The following PLEKHA6 variants were observed in gnomAD, a reference collection of about 807,000 sequenced individuals.
PLEKHA6 encodes pleckstrin homology domain-containing family A member 6.
A neutral mutation model predicts 116.7 loss-of-function variants in PLEKHA6; 60 were observed. The ratio of observed to expected loss-of-function variants is 0.51; its 90% CI spans 0.42 to 0.64. The LOEUF (loss-of-function observed/expected upper bound fraction) is 0.64. Among genes scored for constraint, PLEKHA6 ranks in the 30% least tolerant of loss-of-function variants. PLEKHA6 has a pLI of 0.00. For missense variants in PLEKHA6, 1,338 were observed against 1,422.7 expected (o/e 0.94, Z 0.96); for synonymous variants, 489 against 556.1 (o/e 0.88, Z 1.70).
chr1:204,323,594 T>C (rs1672140508), intron 1 of PLEKHA6, among the ~76,000 whole-genome samples: 1 of 152,268 alleles, frequency 6.6e-6, no homozygotes, highest in Non-Finnish European at 1.5e-5. Flanking sequence ...GAGGGCATTA[T>C]AAACTGCTTG....
chr1:204,301,285 A>T (rs904660949), intron 1 of PLEKHA6: 2 of 975,132 alleles, frequency 2.1e-6, no homozygotes, highest in African/African-American at 3.5e-5. Flanking sequence ...CACTTGCCTC[A>T]TCACCAGTCT....
At chr1:204,330,394 AGACT>A (rs1272379721) in intron 1 of PLEKHA6, among the ~76,000 whole-genome samples, 2 of 152,260 alleles carry the variant, frequency 1.3e-5, no homozygotes, top group South Asian at 2.1e-4. Context: ...ACTTGAAAGA[AGACT>A]GACTAAGAGA....
intron 1 of PLEKHA6, among the ~76,000 whole-genome samples, chr1:204,305,262 T>C (rs919792200): frequency 1.3e-5 from 2 of 152,004 alleles, no homozygotes; most frequent in African/African-American, 4.8e-5. Flanking sequence ...ATGCAGAAAG[T>C]ATGGGGGATG....
chr1:204,311,144 T>A (rs905647273), intron 1 of PLEKHA6, among the ~76,000 whole-genome samples: 1 of 152,224 alleles, frequency 6.6e-6, no homozygotes, highest in Non-Finnish European at 1.5e-5. Context: ...CTTGAACTCC[T>A]GCAGAGACAG....
chr1:204,362,297 A>AGGCGTGAGGT (rs1013559104), upstream of PLEKHA6, among the ~76,000 whole-genome samples: 1 of 152,170 alleles, frequency 6.6e-6, no homozygotes, highest in Admixed American at 6.5e-5. Flanking sequence ...CCAATGGGGA[A>AGGCGTGAGGT]GGCGTGAGGT....
At chr1:204,279,145 G>A (rs1017360782) in intron 1 of PLEKHA6, among the ~76,000 whole-genome samples, 21 of 152,264 alleles carry the variant, frequency 1.4e-4, no homozygotes, top group African/African-American at 4.3e-4. Flanking sequence ...TTGGGAAAAT[G>A]AGCTTTCTTC....
At chr1:204,252,082 C>A (rs1664648171) in intron 9 of PLEKHA6, among the ~76,000 whole-genome samples, 1 of 151,498 alleles carries the variant, frequency 6.6e-6, no homozygotes, top group African/African-American at 2.4e-5. Flanking sequence ...GAGGCCTGCC[C>A]CCTCTCCCTG....
chr1:204,256,556 A>G (rs1665315008), intron 9 of PLEKHA6, among the ~76,000 whole-genome samples: 1 of 152,090 alleles, frequency 6.6e-6, no homozygotes, highest in African/African-American at 2.4e-5. Flanking sequence ...AGGATATTAC[A>G]TGCTCCCAGA....
At chr1:204,267,610 T>A in intron 4 of PLEKHA6, 63 bp from the exon 5 acceptor site, 1 of 1,427,874 alleles carries the variant, frequency 7.0e-7, no homozygotes, top group Non-Finnish European at 9.9e-7. Flanking sequence ...GGAGATGGGA[T>A]GCAGGGAAAA....
chr1:204,340,169 G>A (rs964763909), intron 1 of PLEKHA6, among the ~76,000 whole-genome samples: 5 of 152,196 alleles, frequency 3.3e-5, no homozygotes, highest in Non-Finnish European at 5.9e-5. Flanking sequence ...CAGGGAAAGG[G>A]AAGGGTGGAC....
At chr1:204,323,112 C>A (rs938475797) in intron 1 of PLEKHA6, among the ~76,000 whole-genome samples, 2 of 152,256 alleles carry the variant, frequency 1.3e-5, no homozygotes, top group East Asian at 1.9e-4. Flanking sequence ...CAGGCATTAA[C>A]TGTGTATCTA....
In PLEKHA6 at chr1:204,301,153, C is replaced by A. The variant is rs1214890588; in HGVS notation, c.-94-26344G>T. 5.8e-6 allele frequency: 4 copies of A among 693,390 alleles called. No homozygotes were observed. In the East Asian group the frequency reaches 4.0e-4, roughly 69 times the overall value. The allele number at this position is 693,390 out of a possible 1,614,324, so 43.0% of individuals were successfully genotyped here. A position where few individuals can be genotyped will look rare whatever the true frequency, so the allele number is the denominator to read the frequency against. The stretch of plus-strand genomic sequence containing the variant: ...CTTTACCATTCTAAAATCCATAGGC[C>A]CCAAAGATTTCAGATAATGAAGTAT... On this transcript the variant is annotated intron_variant, in intron 1 of 22. Coordinates refer to ENST00000272203, the MANE Select transcript of PLEKHA6 (RefSeq NM_014935.5).
chr1:204,230,401 G>A lies in PLEKHA6; in HGVS notation c.2583+12C>T, dbSNP rs1245729539. The A allele has an allele frequency of 6.4e-7, 1 of 1,565,636 alleles. No individual in the cohort carries two copies. Among genetic ancestry groups the A allele is most frequent in the Admixed American group, 1.9e-5 (1 of 53,246 alleles). ...CCAGGCTCACGCCTGTGGGTAGCTG[G>A]GAAGGCATTACCACTTTGTAGGCTG... On this transcript the variant is annotated intron_variant, in intron 18 of 22. Transcript: ENST00000272203.
intron 3 of PLEKHA6, among the ~76,000 whole-genome samples, chr1:204,365,633 A>C (rs998446644): frequency 4.6e-5 from 7 of 152,234 alleles, no homozygotes; most frequent in Admixed American, 4.6e-4. Context: ...TGAAGCAGAA[A>C]TCAATTATGC....
Position 204,257,603 on chromosome 1 carries a change from G to A in PLEKHA6, c.1274C>T (p.Pro425Leu), listed in dbSNP as rs1012102429. 6.2e-7 allele frequency: 1 copy of A among 1,609,310 alleles called. No homozygotes were observed. The highest frequency in any genetic ancestry group is 8.5e-7 in the Non-Finnish European group (1 of 1,178,160). The change falls in exon 9 of 23, where the codon CCA (proline) becomes CTA (leucine). Residue 425 changes from proline to leucine, a missense_variant. By Grantham distance (98) the Pro-to-Leu change is moderately conservative. Transcript: ENST00000272203. This position sits in a 1 kb window ranked among gnomAD's most constrained non-coding sequence, Gnocchi z 6.5. ...YGRQDATVWI[P>L]SPSRQPVYYD... ...ATAGACTGGCTGCCGGGAGGGGCTT[G>A]GGATCCAGACGGTGGCATCCTGCCG... is the stretch of plus-strand genomic sequence containing the variant.
intron 1 of PLEKHA6, among the ~76,000 whole-genome samples, chr1:204,349,302 G>A (rs2103355167): frequency 6.6e-6 from 1 of 152,308 alleles, no homozygotes. Context: ...ACTTTGGGAG[G>A]CCGAGGCGGG....
chr1:204,328,741 AGTCTTG>A, intron 1 of PLEKHA6, among the ~76,000 whole-genome samples: 1 of 152,352 alleles, frequency 6.6e-6, no homozygotes, highest in East Asian at 1.9e-4. Flanking sequence ...GTGTCTGCAC[AGTCTTG>A]CAGCTAGATA....
chr1:204,316,047 G>A (rs373693966), intron 1 of PLEKHA6, among the ~76,000 whole-genome samples: 1 of 152,162 alleles, frequency 6.6e-6, no homozygotes, highest in African/African-American at 2.4e-5. Flanking sequence ...GAAGCTGGAC[G>A]GGTATTTGGG....
At chr1:204,314,718 C>T (rs780812448) in intron 1 of PLEKHA6, among the ~76,000 whole-genome samples, 6 of 152,222 alleles carry the variant, frequency 3.9e-5, no homozygotes, top group Non-Finnish European at 7.3e-5. Flanking sequence ...GCCCTTATCT[C>T]CCTGCCTCAG....
Sources: gnomAD v4.1 joint callset for allele counts (sites outside exome capture counted in the v4.1 genomes callset) on GRCh38, gnomAD v4.1.1 for gene constraint, Gnocchi (gnomAD v3.1) non-coding constraint, MANE v1.5 for transcripts, NCBI Gene and HGNC (gene_info 2026-07-23, HGNC 2026-07-21) for gene names.